The following ADCY9 variants were observed in gnomAD, a reference collection of about 807,000 sequenced individuals.
ADCY9 encodes the protein adenylate cyclase 9.
Under a neutral mutation model 101.5 loss-of-function variants are expected in ADCY9, and 50 were observed. The ratio of observed to expected loss-of-function variants is 0.49; its 90% confidence interval spans 0.39 to 0.62. ADCY9 has a LOEUF of 0.62. Among genes scored for constraint, ADCY9 ranks in the 20% least tolerant of loss-of-function variants. The probability of loss-of-function intolerance (pLI) is 0.00; values close to 1 mark genes in which losing one functional copy is unlikely to be tolerated. For synonymous variants in ADCY9, 905 were observed against 769.3 expected (o/e 1.18, Z -2.92); for missense variants, 1,662 against 1,800.4 (o/e 0.92, Z 1.39).
intron 2 of ADCY9, among the ~76,000 whole-genome samples, chr16:4,013,629 C>T (rs1453311442): frequency 6.6e-6 from 1 of 152,168 alleles, no homozygotes; most frequent in African/African-American, 2.4e-5. Flanking sequence ...ATTCCAAAAA[C>T]GTCTTTCACT....
At chr16:4,083,142 T>C (rs1404136546) in intron 2 of ADCY9, among the ~76,000 whole-genome samples, 2 of 152,222 alleles carry the variant, frequency 1.3e-5, no homozygotes, top group African/African-American at 2.4e-5. Context: ...TTACATGAGA[T>C]AGTAAATGCG....
chr16:3,960,706 G>A (rs1349159634), downstream of ADCY9, among the ~76,000 whole-genome samples: 1 of 152,060 alleles, frequency 6.6e-6, no homozygotes, highest in South Asian at 2.1e-4. Context: ...TAACAGGCAC[G>A]CGGATTACTT....
Position 4,047,403 on chromosome 16 carries a change from A to C in ADCY9, c.1694-39845T>G, listed in dbSNP as rs551042185. Among the ~76,000 whole-genome samples, 97 of 152,188 alleles carry C rather than the reference A, an allele frequency of 6.4e-4. 1 individual carries two copies. The highest frequency in any genetic ancestry group is 2.2e-3 in the African/African-American group (92 of 41,424). On this transcript the variant is annotated intron_variant, in intron 2 of 10. Transcript: ENST00000294016. ...AAATATTAGAATTTATAAAGTAAAT[A>C]AAATTCTGTGATGTGGTTTCTCTAG...
intron 2 of ADCY9, chr16:4,015,494 C>T (rs74702385): frequency 0.1 from 15,385 of 152,352 alleles, 891 homozygotes; most frequent in Non-Finnish European, 0.13. Flanking sequence ...CAGGTGCTAT[C>T]GCTGTCATTC....
intron 2 of ADCY9, among the ~76,000 whole-genome samples, chr16:4,111,163 C>T (rs2057111311): frequency 6.6e-6 from 1 of 152,192 alleles, no homozygotes; most frequent in Non-Finnish European, 1.5e-5. Context: ...TTCTAGAAGC[C>T]CCTTCTCATT....
At chr16:3,986,035 G>A (rs1000974339) in intron 6 of ADCY9, among the ~76,000 whole-genome samples, 4 of 152,150 alleles carry the variant, frequency 2.6e-5, no homozygotes, top group Admixed American at 1.3e-4. Context: ...GCCAGGCTCC[G>A]CCCTGCTCAC....
chr16:4,050,761 G>T (rs1028700914), intron 2 of ADCY9, among the ~76,000 whole-genome samples: 2 of 147,148 alleles, frequency 1.4e-5, no homozygotes, highest in Non-Finnish European at 3.0e-5. Context: ...TGCTTGAGAA[G>T]TCCTTGTAGC....
intron 6 of ADCY9, among the ~76,000 whole-genome samples, chr16:3,985,461 C>A (rs73508315): frequency 0.021 from 3,126 of 152,266 alleles, 112 homozygotes; most frequent in African/African-American, 0.072. Flanking sequence ...AGGGGCGACA[C>A]TGCCCATGCC....
intron 2 of ADCY9, among the ~76,000 whole-genome samples, chr16:4,049,650 G>A (rs1037301557): frequency 6.6e-5 from 10 of 152,104 alleles, no homozygotes; most frequent in African/African-American, 1.4e-4. Context: ...CTCACCTCCC[G>A]CCTCCAACCC....
At chr16:4,062,155 C>T (rs2056777213) in intron 2 of ADCY9, among the ~76,000 whole-genome samples, 1 of 152,094 alleles carries the variant, frequency 6.6e-6, no homozygotes, top group East Asian at 1.9e-4. Context: ...CCCATCTCTA[C>T]TTTTTAAAAG....
At chr16:4,063,631 G>A (rs1347519176) in intron 2 of ADCY9, among the ~76,000 whole-genome samples, 3 of 151,810 alleles carry the variant, frequency 2.0e-5, no homozygotes, top group Admixed American at 1.3e-4. Flanking sequence ...AGAATCTCTT[G>A]AGCCTGGAAG....
chr16:3,974,549 A>G, intron 10 of ADCY9, 120 bp downstream of exon 10: 1 of 747,932 alleles, frequency 1.3e-6, no homozygotes, highest in East Asian at 2.6e-5. Flanking sequence ...TTTCTATTCT[A>G]AGAATGCACG....
At chr16:4,102,584 C>G (rs954500501) in intron 2 of ADCY9, among the ~76,000 whole-genome samples, 3 of 152,158 alleles carry the variant, frequency 2.0e-5, no homozygotes, top group Non-Finnish European at 4.4e-5. Flanking sequence ...TGCCACCATG[C>G]CTGGCTAATT....
At chr16:4,056,328 C>G (rs1346724065) in intron 2 of ADCY9, among the ~76,000 whole-genome samples, 2 of 152,192 alleles carry the variant, frequency 1.3e-5, no homozygotes, top group Non-Finnish European at 2.9e-5. Context: ...AATCTCAGCT[C>G]ACTGTAACCT....
At chr16:4,082,492 C>G (rs1474291005) in intron 2 of ADCY9, among the ~76,000 whole-genome samples, 3 of 152,218 alleles carry the variant, frequency 2.0e-5, no homozygotes, top group Non-Finnish European at 2.9e-5. Context: ...ACACACCTAC[C>G]TTCCTTACCA....
Position 3,965,848 on chromosome 16 carries a change from TTCTC to T in ADCY9, c.3985_3988del (p.Glu1329LysfsTer9), listed in dbSNP as rs762822539. ...TATTCCTGTTTCGTCACAGTCGTCT[TTCTC>T]TATGGCTTTGCCAAATCGACCCCTT... On this transcript the variant is annotated frameshift_variant, in exon 11 of 11. Transcript: ENST00000294016. LOFTEE classifies it high-confidence loss of function. 1.2e-6 allele frequency: 2 copies of T among 1,614,200 alleles called. No individual in the cohort carries two copies. Among genetic ancestry groups the T allele is most frequent in the African/African-American group, 1.3e-5 (1 of 75,050 alleles).
chr16:3,994,310 G>T (rs903403389), intron 3 of ADCY9, among the ~76,000 whole-genome samples: 1 of 152,252 alleles, frequency 6.6e-6, no homozygotes, highest in Middle Eastern at 3.4e-3. Context: ...ATACATTTCT[G>T]TTGTTTAAAA....
At chr16:4,081,211 C>A (rs553618837) in intron 2 of ADCY9, among the ~76,000 whole-genome samples, 9 of 152,294 alleles carry the variant, frequency 5.9e-5, no homozygotes, top group African/African-American at 1.9e-4. Context: ...TCTCGTGGAA[C>A]ACAAACTGGA....
chr16:3,961,827 A>C (rs2055940564), downstream of ADCY9, among the ~76,000 whole-genome samples: 2 of 152,060 alleles, frequency 1.3e-5, no homozygotes, highest in Admixed American at 1.3e-4. Flanking sequence ...GGAGTTCGAG[A>C]CCAGTCTGGC....
Sources: gnomAD v4.1 joint callset for allele counts (sites outside exome capture counted in the v4.1 genomes callset) on GRCh38, gnomAD v4.1.1 for gene constraint, MANE v1.5 for transcripts, NCBI Gene and HGNC (gene_info 2026-07-23, HGNC 2026-07-21) for gene names.